The following POLR3B variants were observed in gnomAD, a reference collection of about 807,000 sequenced individuals.
The protein encoded by POLR3B is DNA-directed RNA polymerase III subunit RPC2.
Under a neutral mutation model 147.4 loss-of-function variants are expected in POLR3B, and 96 were observed. That is an observed-to-expected ratio of 0.65 (90% confidence interval 0.55 to 0.77). The LOEUF (loss-of-function observed/expected upper bound fraction) is 0.77. POLR3B is among the 30% of genes least tolerant of loss of function. POLR3B has a pLI of 0.00. For missense variants in POLR3B, 1,036 were observed against 1,413.5 expected, an observed-to-expected ratio of 0.73 and a Z score of 4.28; for synonymous variants, 461 against 485.9, an observed-to-expected ratio of 0.95 and a Z score of 0.67.
In POLR3B at chr12:106,482,653, G is replaced by A. The variant is rs140687754; in HGVS notation, c.2714-13402G>A. On this transcript the variant is annotated intron_variant, in intron 23 of 27. Coordinates refer to ENST00000228347, the MANE Select transcript of POLR3B (RefSeq NM_018082.6). ...TCCTCCAACACTGGGGATTTGACAC[G>A]AGATTTGGGTGGGGACACAAATCTA... 4.8e-4 allele frequency among the ~76,000 whole-genome samples: 73 copies of A among 152,226 alleles called. 3 individuals are homozygous for A. The East Asian group carries it at 0.014, about 28-fold the overall frequency.
Position 106,409,334 on chromosome 12 carries a change from G to T in POLR3B, c.967-1492G>T, listed in dbSNP as rs557175384. 2.3e-5 allele frequency among the ~76,000 whole-genome samples: 3 copies of T among 128,638 alleles called. No individual in the cohort carries two copies. The South Asian group carries it at 7.8e-4, about 33-fold the overall frequency. 84.4% of individuals were successfully genotyped at this position (128,638 alleles called of 152,430 possible). ...TTGGTTTTGTGGTAACTGGTGTTAC[G>T]ATTGTAAGAGGGTTTTTTTTGTTTT... is the stretch of plus-strand genomic sequence containing the variant. On this transcript the variant is annotated intron_variant, in intron 11 of 27. Coordinates refer to ENST00000228347, the MANE Select transcript of POLR3B (RefSeq NM_018082.6).
At chr12:106,402,584 C>G (rs1176702394) in intron 10 of POLR3B, among the ~76,000 whole-genome samples, 3 of 152,228 alleles carry the variant, frequency 2.0e-5, no homozygotes, top group Non-Finnish European at 4.4e-5. Context: ...GTAACCAAAA[C>G]AGCATGGTAC....
At chr12:106,441,869 T>C (rs2037655814) in intron 18 of POLR3B, among the ~76,000 whole-genome samples, 1 of 151,814 alleles carries the variant, frequency 6.6e-6, no homozygotes, top group South Asian at 2.1e-4. Flanking sequence ...TCACCTGAGG[T>C]TGGGAGTTTG....
intron 6 of POLR3B, among the ~76,000 whole-genome samples, chr12:106,373,724 A>T (rs2036640178): frequency 6.6e-6 from 1 of 152,146 alleles, no homozygotes; most frequent in African/African-American, 2.4e-5. Context: ...ACTGTACTCC[A>T]GCCTGGGCAA....
chr12:106,437,034 T>C lies in POLR3B; in HGVS notation c.1782-23T>C, dbSNP rs374425931. 1.1e-5 allele frequency: 17 copies of C among 1,589,036 alleles called. No homozygotes were observed. The African/African-American group carries it at 1.2e-4, about 11-fold the overall frequency. ...ATTTTTCCCTGGAACTATTATTAAT[T>C]TGGTTTGCTGTTTCCATTCTAGACC... On this transcript the variant is annotated intron_variant, in intron 16 of 27. Coordinates refer to ENST00000228347, the MANE Select transcript of POLR3B (RefSeq NM_018082.6).
chr12:106,427,190 T>A lies in POLR3B; in HGVS notation c.1102-7T>A, dbSNP rs752545889. On this transcript the variant is annotated splice_region_variant and splice_polypyrimidine_tract_variant and intron_variant, in intron 12 of 27. Coordinates refer to ENST00000228347, the MANE Select transcript of POLR3B (RefSeq NM_018082.6). ...AAATCACCATATACCTTTTTTTTTT[T>A]TTTTAGCTTTTATCTCTTCTTTTTG... 1.0e-5 allele frequency: 15 copies of A among 1,492,582 alleles called. No individual in the cohort carries two copies. The highest frequency in any genetic ancestry group is 9.6e-5 in the East Asian group (4 of 41,656). 92.5% of individuals were successfully genotyped at this position (1,492,582 alleles called of 1,614,324 possible).
chr12:106,359,810 G>A (rs1295036806), intron 1 of POLR3B, among the ~76,000 whole-genome samples: 1 of 152,174 alleles, frequency 6.6e-6, no homozygotes, highest in East Asian at 1.9e-4. Flanking sequence ...AAATAGCCTT[G>A]CATTAGAAGC....
chr12:106,366,868 C>A, intron 4 of POLR3B, 146 bp downstream of exon 4: 1 of 678,882 alleles, frequency 1.5e-6, no homozygotes. Context: ...CTTTGGGAGG[C>A]CGAGGTGGGC....
At chr12:106,459,226 C>A in intron 21 of POLR3B, 25 bp from the exon 22 acceptor site, 1 of 1,224,634 alleles carries the variant, frequency 8.2e-7, no homozygotes, top group Non-Finnish European at 1.2e-6. Flanking sequence ...TAACGATGTG[C>A]CTAACACTTT....
In POLR3B at chr12:106,482,602, G is replaced by C. The variant is rs1295831561; in HGVS notation, c.2714-13453G>C. The stretch of plus-strand genomic sequence containing the variant: ...ACAGCGAGGGGGGAATCCACCTCAT[G>C]ATCCAATCTCCTCCCACCAGGTTCT... On this transcript the variant is annotated intron_variant, in intron 23 of 27. Transcript: ENST00000228347. Among the ~76,000 whole-genome samples, 3 of 152,120 alleles carry C rather than the reference G, an allele frequency of 2.0e-5. No homozygotes were observed. In the East Asian group the frequency reaches 5.8e-4, roughly 29 times the overall value.
chr12:106,457,042 G>C (rs2037874020), intron 20 of POLR3B, 96 bp from the exon 21 acceptor site: 2 of 1,007,148 alleles, frequency 2.0e-6, no homozygotes, highest in Non-Finnish European at 3.2e-6. Context: ...TTTGGGGGAG[G>C]GTGAGGTGGA....
rs764281496 is a variant in POLR3B at position 106,496,988 on chromosome 12, A to T, written c.2984+70A>T. The stretch of plus-strand genomic sequence containing the variant: ...CTAGGATAGGGGAGACAAAGCCTTA[A>T]GGTATACTCTATTAAGTATACCTTC... On this transcript the variant is annotated intron_variant, in intron 25 of 27. Transcript: ENST00000228347. 49 of 1,460,950 alleles carry T rather than the reference A, an allele frequency of 3.4e-5. No individual in the cohort carries two copies. The Admixed American group carries it at 8.2e-4, about 24-fold the overall frequency. 90.5% of individuals were successfully genotyped at this position (1,460,950 alleles called of 1,614,324 possible).
chr12:106,369,781 A>G (rs758623301), intron 6 of POLR3B, 98 bp downstream of exon 6: 2 of 779,084 alleles, frequency 2.6e-6, no homozygotes, highest in East Asian at 2.5e-5. Context: ...AATGCTGCCT[A>G]TTTCATAGGT....
chr12:106,464,632 C>T (rs1391976611), intron 23 of POLR3B, among the ~76,000 whole-genome samples: 1 of 152,178 alleles, frequency 6.6e-6, no homozygotes, highest in African/African-American at 2.4e-5. Context: ...CAGCAATGAT[C>T]ATTAACATTG....
At chr12:106,386,616 A>C (rs2036842369) in intron 9 of POLR3B, among the ~76,000 whole-genome samples, 1 of 152,014 alleles carries the variant, frequency 6.6e-6, no homozygotes, top group Admixed American at 6.6e-5. Flanking sequence ...TGAGTTTAAT[A>C]AGACAGTTTT....
At chr12:106,368,916 T>C (rs1005680016) in intron 4 of POLR3B, among the ~76,000 whole-genome samples, 3 of 152,140 alleles carry the variant, frequency 2.0e-5, no homozygotes, top group African/African-American at 7.2e-5. Flanking sequence ...TTTGTTTTTT[T>C]GTTTTGTTTG....
At chr12:106,381,797 A>G (rs888544532) in intron 9 of POLR3B, among the ~76,000 whole-genome samples, 55 of 152,154 alleles carry the variant, frequency 3.6e-4, no homozygotes, top group Admixed American at 3.6e-3. Context: ...AAGAATGGCT[A>G]CTCCATAGGC....
intron 21 of POLR3B, among the ~76,000 whole-genome samples, chr12:106,459,004 C>A (rs1474335263): frequency 6.6e-6 from 1 of 151,898 alleles, no homozygotes; most frequent in East Asian, 1.9e-4. Flanking sequence ...GAATTATTTT[C>A]TTAATTTTAT....
intron 26 of POLR3B, among the ~76,000 whole-genome samples, chr12:106,501,787 C>T (rs1417662034): frequency 6.6e-6 from 1 of 152,090 alleles, no homozygotes; most frequent in Non-Finnish European, 1.5e-5. Context: ...TTGCATGTAC[C>T]CATGTGCACA....
Sources: gnomAD v4.1 joint callset for allele counts (sites outside exome capture counted in the v4.1 genomes callset) on GRCh38, gnomAD v4.1.1 for gene constraint, MANE v1.5 for transcripts, NCBI Gene and HGNC (gene_info 2026-07-23, HGNC 2026-07-21) for gene names.